Variants in DOCK4 observed in about 807,000 individuals in gnomAD.
DOCK4 encodes dedicator of cytokinesis 4.
DOCK4 carries 97 observed loss-of-function variants against 268.1 expected under a neutral mutation model. The ratio of observed to expected loss-of-function variants is 0.36; its 90% confidence interval spans 0.31 to 0.43. The LOEUF is 0.43. Ranked by LOEUF, DOCK4 falls within the 20% of genes least tolerant of loss-of-function variation. DOCK4 has a pLI of 1.00. For missense variants in DOCK4, 2,145 were observed against 2,455.7 expected, an observed-to-expected ratio of 0.87 and a Z score of 2.67; for synonymous variants, 954 against 887.2, an observed-to-expected ratio of 1.08 and a Z score of -1.34.
chr7:112,206,353 T>A lies in DOCK4; in HGVS notation c.-215A>T, dbSNP rs1328887782. On this transcript the variant is annotated 5_prime_UTR_variant, in exon 1 of 53. Coordinates refer to ENST00000428084, the MANE Select transcript of DOCK4 (RefSeq NM_001363540.2). ...TCCCGGCGGCGGCTGCTCACAGTCC[T>A]CCGACGCGCTCCCGGGTACCCGGCG... 1.7e-6 allele frequency: 1 copy of A among 590,598 alleles called. No homozygotes were observed. Among genetic ancestry groups the A allele is most frequent in the East Asian group, 3.0e-5 (1 of 33,818 alleles). The allele number at this position is 590,598 out of a possible 1,614,324, so 36.6% of individuals were successfully genotyped here.
rs892660014 is a variant in DOCK4, at chr7:111,863,101, G to C, written c.2473+271C>G. The stretch of plus-strand genomic sequence containing the variant: ...AAAGAGAAAAATAAGGATCCTATCA[G>C]GTACCTGTAAGCATCTCTGAAGGAG... On this transcript the variant is annotated intron_variant, in intron 23 of 52. Transcript: ENST00000428084. 1.0e-4 allele frequency: 39 copies of C among 389,194 alleles called. 1 individual carries two copies. Among genetic ancestry groups the C allele is most frequent in the South Asian group, 7.2e-4 (26 of 36,230 alleles). The allele number at this position is 389,194 out of a possible 1,614,324, so 24.1% of individuals were successfully genotyped here.
intron 36 of DOCK4, among the ~76,000 whole-genome samples, chr7:111,776,039 T>C (rs765829929): frequency 1.1e-4 from 16 of 152,186 alleles, no homozygotes; most frequent in Non-Finnish European, 2.1e-4. Flanking sequence ...TGGATCAATA[T>C]AACAAGGACT....
chr7:111,905,710 T>TGTGTGCGC (rs58938757), intron 13 of DOCK4, among the ~76,000 whole-genome samples: 2 of 151,868 alleles, frequency 1.3e-5, no homozygotes, highest in African/African-American at 4.8e-5. Context: ...TGTGTGTGTG[T>TGTGTGCGC]GCACGTGTAT....
chr7:112,152,299 G>C (rs1816168329), intron 1 of DOCK4, among the ~76,000 whole-genome samples: 1 of 152,162 alleles, frequency 6.6e-6, no homozygotes, highest in Non-Finnish European at 1.5e-5. Flanking sequence ...ACAGCTGGCT[G>C]CTAAGGACTT....
At chr7:111,949,063 T>C (rs1483608183) in intron 8 of DOCK4, among the ~76,000 whole-genome samples, 1 of 152,212 alleles carries the variant, frequency 6.6e-6, no homozygotes, top group Non-Finnish European at 1.5e-5. Context: ...AGTTACCTAC[T>C]AATGTATTTA....
At chr7:111,745,615 C>T (rs4727760) in intron 44 of DOCK4, among the ~76,000 whole-genome samples, 49,305 of 140,372 alleles carry the variant, frequency 0.35, 8,646 homozygotes, top group South Asian at 0.55. Context: ...ACCCAGGAGG[C>T]GGAGCTTGCA....
intron 39 of DOCK4, among the ~76,000 whole-genome samples, chr7:111,763,035 T>C (rs747412847): frequency 6.6e-6 from 1 of 152,062 alleles, no homozygotes; most frequent in Non-Finnish European, 1.5e-5. Context: ...CCCAAAGTGC[T>C]GCAATTACAG....
intron 1 of DOCK4, among the ~76,000 whole-genome samples, chr7:112,115,059 C>T (rs1812004341): frequency 6.6e-6 from 1 of 152,118 alleles, no homozygotes; most frequent in South Asian, 2.1e-4. Context: ...TTCTGGCTTA[C>T]CCTAATATCT....
chr7:112,090,833 A>G lies in DOCK4; in HGVS notation c.38-86702T>C, dbSNP rs192442496. Among the ~76,000 whole-genome samples the G allele has an allele frequency of 2.2e-3, 332 of 152,276 alleles. 1 individual carries two copies. Among genetic ancestry groups the G allele is most frequent in the Admixed American group, 4.1e-3 (63 of 15,292 alleles). ...TGGAGATCTTTTAATTTAACTCTTC[A>G]TTTTATGGGTAAATCAATTGCAGTT... On this transcript the variant is annotated intron_variant, in intron 1 of 52. Transcript: ENST00000428084.
chr7:111,935,032 C>T (rs1019683485), intron 12 of DOCK4, among the ~76,000 whole-genome samples: 6 of 151,892 alleles, frequency 4.0e-5, no homozygotes, highest in Middle Eastern at 3.2e-3. Flanking sequence ...CTGCAACATC[C>T]GCCTCCCAGG....
intron 23 of DOCK4, among the ~76,000 whole-genome samples, chr7:111,858,691 C>T (rs73715281): frequency 0.02 from 3,041 of 152,230 alleles, 96 homozygotes; most frequent in African/African-American, 0.07. Context: ...TATGGGTCTC[C>T]AGCGTACTGA....
intron 1 of DOCK4, among the ~76,000 whole-genome samples, chr7:112,091,489 C>G (rs1177194059): frequency 6.6e-6 from 1 of 152,136 alleles, no homozygotes; most frequent in African/African-American, 2.4e-5. Flanking sequence ...GAACTGAAAA[C>G]AGGCTTTTAG....
intron 3 of DOCK4, among the ~76,000 whole-genome samples, chr7:112,000,062 A>G (rs549432): frequency 0.65 from 98,704 of 151,908 alleles, 33,561 homozygotes; most frequent in East Asian, 0.99. Flanking sequence ...AGCCCCCCAA[A>G]TCCAAAGGGA....
At chr7:111,985,880 C>T (rs1429940633) in intron 6 of DOCK4, among the ~76,000 whole-genome samples, 2 of 152,194 alleles carry the variant, frequency 1.3e-5, no homozygotes, top group African/African-American at 4.8e-5. Context: ...CACCGTACTA[C>T]AGTGTAAGTC....
intron 1 of DOCK4, among the ~76,000 whole-genome samples, chr7:112,167,106 T>C (rs965846538): frequency 2.0e-5 from 3 of 152,184 alleles, no homozygotes; most frequent in African/African-American, 7.2e-5. Context: ...GAAAATTCCA[T>C]TCAGCCAGTG....
At chr7:111,870,323 C>CTTTTTTTTTTTTTTTTTTTTTTTT (rs796444724) in intron 20 of DOCK4, among the ~76,000 whole-genome samples, 1 of 131,358 alleles carries the variant, frequency 7.6e-6, no homozygotes, top group Non-Finnish European at 1.6e-5. Context: ...TTTTTCTTTT[C>CTTTTTTTTTTTTTTTTTTTTTTTT]TTTTTTTTTT....
intron 1 of DOCK4, among the ~76,000 whole-genome samples, chr7:112,203,487 C>A (rs1012497642): frequency 6.6e-6 from 1 of 152,006 alleles, no homozygotes; most frequent in Non-Finnish European, 1.5e-5. Context: ...AAAATTTAAT[C>A]ATAAGTATAT....
At position 112,033,283 on chromosome 7, in the gene DOCK4, T is replaced by C. The variant is rs559815867; in HGVS notation, c.38-29152A>G. 2.0e-5 allele frequency among the ~76,000 whole-genome samples: 3 copies of C among 152,286 alleles called. No homozygotes were observed. The South Asian group carries it at 6.2e-4, about 32-fold the overall frequency. Reference sequence around the variant, plus strand: ...ATAATCATTTTTATGGCCCATTACCTACTGCTTGAGGCTTAAAGAAGAGAA... The same window carrying C: ...ATAATCATTTTTATGGCCCATTACCCACTGCTTGAGGCTTAAAGAAGAGAA... On this transcript the variant is annotated intron_variant, in intron 1 of 52. Transcript: ENST00000428084.
chr7:111,941,266 C>T (rs1428406510), intron 10 of DOCK4, among the ~76,000 whole-genome samples: 2 of 152,112 alleles, frequency 1.3e-5, no homozygotes, highest in African/African-American at 4.8e-5. Flanking sequence ...GTTGTCATGA[C>T]CTGATGCCAT....
Sources: allele counts gnomAD v4.1 joint callset (sites outside exome capture counted in the v4.1 genomes callset), GRCh38; gene constraint gnomAD v4.1.1; transcripts MANE v1.5; gene names NCBI Gene and HGNC (gene_info 2026-07-23, HGNC 2026-07-21).